Variants in PCDH15 observed in about 807,000 individuals in gnomAD.
PCDH15 encodes the protein protocadherin-15.
PCDH15 carries 129 observed loss-of-function variants against 178.5 expected under a neutral mutation model. That is an observed-to-expected ratio of 0.72 (90% confidence interval 0.63 to 0.84). The LOEUF (loss-of-function observed/expected upper bound fraction) is 0.84. PCDH15 is among the 40% of genes least tolerant of loss of function. The pLI is 0.00. For synonymous variants in PCDH15, 800 were observed against 732.0 expected, an observed-to-expected ratio of 1.09 and a Z score of -1.50; for missense variants, 2,230 against 2,099.9, an observed-to-expected ratio of 1.06 and a Z score of -1.21.
At chr10:54,048,188 T>C (rs1224204910) in intron 18 of PCDH15, among the ~76,000 whole-genome samples, 1 of 152,200 alleles carries the variant, frequency 6.6e-6, no homozygotes, top group Admixed American at 6.5e-5. Context: ...ATTTGTTTGT[T>C]GGCTGCTTGT....
intron 35 of PCDH15, among the ~76,000 whole-genome samples, chr10:53,814,475 A>G (rs985906343): frequency 6.6e-6 from 1 of 152,176 alleles, no homozygotes; most frequent in African/African-American, 2.4e-5. Context: ...TAAAAATGTA[A>G]TAAGAAGTAT....
At chr10:54,048,503 G>A (rs2093700502) in intron 18 of PCDH15, among the ~76,000 whole-genome samples, 1 of 152,078 alleles carries the variant, frequency 6.6e-6, no homozygotes, top group Non-Finnish European at 1.5e-5. Flanking sequence ...ATATTTCCTA[G>A]GTTTTCTTCC....
chr10:54,039,825 C>T (rs1035501142), intron 18 of PCDH15, among the ~76,000 whole-genome samples: 1 of 151,946 alleles, frequency 6.6e-6, no homozygotes, highest in Non-Finnish European at 1.5e-5. Flanking sequence ...TTCTACATCC[C>T]TCTTTACTCC....
At chr10:55,338,724 G>A (rs907294383) in intron 2 of PCDH15, among the ~76,000 whole-genome samples, 8 of 152,054 alleles carry the variant, frequency 5.3e-5, no homozygotes, top group Non-Finnish European at 7.4e-5. Flanking sequence ...GCAGTGAGCC[G>A]AGACCATGTC....
intron 2 of PCDH15, among the ~76,000 whole-genome samples, chr10:55,581,554 C>T (rs527519339): frequency 9.2e-5 from 14 of 151,690 alleles, no homozygotes; most frequent in African/African-American, 3.4e-4. Context: ...CACATAAGTG[C>T]AAATATTTTC....
intron 2 of PCDH15, among the ~76,000 whole-genome samples, chr10:55,593,099 T>C (rs1842874787): frequency 6.6e-6 from 1 of 151,962 alleles, no homozygotes; most frequent in Admixed American, 6.6e-5. Flanking sequence ...AACTTTATAA[T>C]TGCTAGTTAT....
At chr10:55,493,845 G>T (rs1296549279) in intron 2 of PCDH15, among the ~76,000 whole-genome samples, 3 of 151,772 alleles carry the variant, frequency 2.0e-5, no homozygotes, top group Non-Finnish European at 4.4e-5. Flanking sequence ...TCATGGAAAA[G>T]TTAATTATTT....
chr10:54,522,087 CAAA>C (rs11313978), intron 3 of PCDH15, among the ~76,000 whole-genome samples: 1 of 58,870 alleles, frequency 1.7e-5, no homozygotes, highest in Admixed American at 2.4e-4. Flanking sequence ...GAATCCATCT[CAAA>C]AAAAAAAAAA....
At chr10:54,396,739 A>G (rs1003557467) in intron 3 of PCDH15, among the ~76,000 whole-genome samples, 1 of 152,184 alleles carries the variant, frequency 6.6e-6, no homozygotes, top group African/African-American at 2.4e-5. Context: ...AATATATTTC[A>G]TGTCAAACAC....
intron 1 of PCDH15, among the ~76,000 whole-genome samples, chr10:54,798,217 G>C (rs1952250752): frequency 6.6e-6 from 1 of 150,982 alleles, no homozygotes; most frequent in African/African-American, 2.4e-5. Context: ...AATTGACTAT[G>C]AGCACTAATG....
At chr10:54,278,871 T>C (rs2058503916) in intron 8 of PCDH15, among the ~76,000 whole-genome samples, 1 of 151,648 alleles carries the variant, frequency 6.6e-6, no homozygotes, top group Non-Finnish European at 1.5e-5. Context: ...ACTTTACAAA[T>C]CTGCACTTCA....
chr10:53,964,369 T>TA (rs1270207423), intron 21 of PCDH15, among the ~76,000 whole-genome samples: 2 of 52,714 alleles, frequency 3.8e-5, no homozygotes, highest in African/African-American at 6.9e-5. Context: ...TTTTTATTTA[T>TA]AAAAAAATTT....
chr10:54,926,195 T>C (rs1288957706), intron 2 of PCDH15, among the ~76,000 whole-genome samples: 1 of 152,150 alleles, frequency 6.6e-6, no homozygotes, highest in Non-Finnish European at 1.5e-5. Flanking sequence ...TCTGCATCTA[T>C]TGAGATAATC....
chr10:53,954,426 T>G (rs1273840855), intron 23 of PCDH15, among the ~76,000 whole-genome samples: 2 of 152,242 alleles, frequency 1.3e-5, no homozygotes, highest in Non-Finnish European at 2.9e-5. Context: ...CAATGGATTT[T>G]GTTTCTCTGT....
intron 2 of PCDH15, among the ~76,000 whole-genome samples, chr10:55,550,319 A>G (rs1260780289): frequency 2.0e-5 from 3 of 152,192 alleles, no homozygotes. Context: ...TTACTGATAT[A>G]TTAATAAAAA....
Position 54,373,820 on chromosome 10 carries a change from T to G in PCDH15, c.319-4545A>C, listed in dbSNP as rs1341225279. On this transcript the variant is annotated intron_variant, in intron 4 of 37. Transcript: ENST00000644397. ...AAAATAATTTATACAGAAGCAGCAT[T>G]TAAGATATCTCTTAGTAGCACATAA... Among the ~76,000 whole-genome samples the G allele has an allele frequency of 2.6e-5, 4 of 151,952 alleles. No individual in the cohort carries two copies. The Admixed American group carries it at 2.6e-4, about 10-fold the overall frequency.
At chr10:54,664,041 A>C in intron 2 of PCDH15, 131 bp downstream of exon 2, 2 of 747,198 alleles carry the variant, frequency 2.7e-6, no homozygotes, top group Non-Finnish European at 4.6e-6. Context: ...AGTTAAGGTT[A>C]ATTATTACAC....
chr10:54,000,995 A>T (rs2660166), intron 20 of PCDH15, among the ~76,000 whole-genome samples: 152,287 of 152,288 alleles, frequency 1, 76,143 homozygotes, highest in Non-Finnish European at 1. Context: ...GGCAGCAGAC[A>T]TTTAGCAGAA....
Position 54,989,331 on chromosome 10 carries a change from C to T in PCDH15, c.-79-91831G>A, listed in dbSNP as rs1393068282. 5.3e-5 allele frequency among the ~76,000 whole-genome samples: 8 copies of T among 152,124 alleles called. No homozygotes were observed. The South Asian group carries it at 1.7e-3, about 31-fold the overall frequency. On this transcript the variant is annotated intron_variant, in intron 2 of 5. Transcript: ENST00000458638. Reference sequence around the variant, plus strand: ...ACCTTATGGAGCTGTGAGAAGAGGGCCACTCTCCTCCAGACCCCAGAATGG... The same window carrying T: ...ACCTTATGGAGCTGTGAGAAGAGGGTCACTCTCCTCCAGACCCCAGAATGG...
Sources: allele counts gnomAD v4.1 joint callset (sites outside exome capture counted in the v4.1 genomes callset), GRCh38; gene constraint gnomAD v4.1.1; transcripts MANE v1.5; gene names NCBI Gene and HGNC (gene_info 2026-07-23, HGNC 2026-07-21).